Variants in PCYOX1 observed in about 807,000 individuals in gnomAD.
PCYOX1 encodes prenylcysteine oxidase 1, also known as prenylcysteine lyase.
PCYOX1 carries 46 observed loss-of-function variants against 46.4 expected under a neutral mutation model. The ratio of observed to expected loss-of-function variants is 0.99; its 90% CI spans 0.78 to 1.27. PCYOX1 has a LOEUF of 1.27. Ranked by LOEUF, PCYOX1 falls within the 50% of genes most tolerant of loss-of-function variation. The probability of loss-of-function intolerance (pLI) is 0.00; values close to 1 mark genes in which losing one functional copy is unlikely to be tolerated. For synonymous variants in PCYOX1, 220 were observed against 231.8 expected (o/e 0.95, Z 0.46); for missense variants, 658 against 628.3 (o/e 1.05, Z -0.51).
chr2:70,277,055 A>T lies in PCYOX1; in HGVS notation c.1181A>T (p.Asp394Val). Residue 394 changes from aspartate to valine, a missense_variant, in exon 6 of 6, where the codon GAT becomes GTT. Transcript: ENST00000433351. The stretch of plus-strand genomic sequence containing the variant: ...GTGCCCTCTGTGAGAGAAAAGGAAG[A>T]TCCTGAGCCATCAACAGATGGAACA... ...GIVPSVREKE[D>V]PEPSTDGTYV... 1 of 1,613,334 alleles carries T rather than the reference A, an allele frequency of 6.2e-7. No homozygotes were observed. The highest frequency in any genetic ancestry group is 8.5e-7 in the Non-Finnish European group (1 of 1,179,236).
In PCYOX1 at chr2:70,278,364, C is replaced by A. The variant is rs1696716359; in HGVS notation, c.*972C>A. On this transcript the variant is annotated 3_prime_UTR_variant, in exon 6 of 6. Coordinates refer to ENST00000433351, the MANE Select transcript of PCYOX1 (RefSeq NM_016297.4). The stretch of plus-strand genomic sequence containing the variant: ...ACCAATGTGGGTGTGAAAATGCCTA[C>A]AAAGGGTTTTAGTGCCTTAGAAGTC... The A allele has an allele frequency of 6.6e-6, 1 of 152,636 alleles. No individual in the cohort carries two copies. Among genetic ancestry groups the A allele is most frequent in the Admixed American group, 6.5e-5 (1 of 15,280 alleles). 9.5% of individuals were successfully genotyped at this position (152,636 alleles called of 1,614,324 possible).
At chr2:70,266,265 TGATG>T (rs1178990642) in intron 3 of PCYOX1, among the ~76,000 whole-genome samples, 6 of 151,922 alleles carry the variant, frequency 3.9e-5, no homozygotes, top group Admixed American at 3.9e-4. Context: ...GGAGATGTGA[TGATG>T]GAAGGAAGAG....
In PCYOX1 at chr2:70,279,773, ACT is replaced by A. The variant is rs779950796; in HGVS notation, c.*2384_*2385del. The stretch of plus-strand genomic sequence containing the variant: ...CACTCCAGCCTGGCAACAGAGCGAG[ACT>A]CTGTCTCAGAAAAAAAAAACAAAAA... On this transcript the variant is annotated 3_prime_UTR_variant, in exon 6 of 6. Transcript: ENST00000433351. The A allele has an allele frequency of 2.1e-5, 3 of 140,826 alleles. No individual in the cohort carries two copies. The highest frequency in any genetic ancestry group is 5.4e-5 in the African/African-American group (2 of 37,100). The allele number at this position is 140,826 out of a possible 1,614,324, so 8.7% of individuals were successfully genotyped here.
intron 3 of PCYOX1, among the ~76,000 whole-genome samples, chr2:70,267,693 G>A (rs1573980162): frequency 6.6e-6 from 1 of 152,150 alleles, no homozygotes; most frequent in Non-Finnish European, 1.5e-5. Flanking sequence ...GCAGGCTGAA[G>A]CAGGAGAATC....
At chr2:70,274,868 G>A in intron 3 of PCYOX1, 91 bp from the exon 4 acceptor site, 1 of 855,170 alleles carries the variant, frequency 1.2e-6, no homozygotes, top group South Asian at 1.4e-5. Context: ...CTAGATGTCA[G>A]TTTGATTCTT....
chr2:70,258,171 C>G lies in PCYOX1; in HGVS notation c.7C>G (p.Arg3Gly), dbSNP rs1393925654. The G allele has an allele frequency of 3.1e-6, 5 of 1,594,558 alleles. No individual in the cohort carries two copies. Among genetic ancestry groups the G allele is most frequent in the Admixed American group, 1.7e-5 (1 of 59,480 alleles). ...TGCAGAGCTTGTGGAGGCCATGGGGCGCGTCGTCGCGGAGCTCGTCTCCTC... is the reference window on the plus strand; with the variant it reads ...TGCAGAGCTTGTGGAGGCCATGGGGGGCGTCGTCGCGGAGCTCGTCTCCTC... The part of the protein sequence containing the change: MG[R>G]VVAELVSSLL... The change falls in exon 1 of 6, where the codon CGC becomes GGC. Residue 3 changes from arginine (R) to glycine (G), a missense_variant. Coordinates refer to ENST00000433351, the MANE Select transcript of PCYOX1 (RefSeq NM_016297.4).
chr2:70,257,973 A>G (rs1696366390), upstream of PCYOX1: 2 of 453,436 alleles, frequency 4.4e-6, no homozygotes, highest in East Asian at 4.0e-5. Context: ...TAGGGCACTG[A>G]GTGGCCCAGA....
intron 3 of PCYOX1, among the ~76,000 whole-genome samples, 163 bp downstream of exon 3, chr2:70,261,549 A>G (rs981017954): frequency 2.0e-5 from 3 of 152,190 alleles, no homozygotes; most frequent in Admixed American, 6.5e-5. Flanking sequence ...TATGCAGACT[A>G]TTTGCTTGGA....
At position 70,277,404 on chromosome 2, in the gene PCYOX1, C is replaced by T. The variant is rs199895020; in HGVS notation, c.*12C>T. On this transcript the variant is annotated 3_prime_UTR_variant, in exon 6 of 6. Transcript: ENST00000433351. Reference sequence around the variant, plus strand: ...AAACTGAACTATGAAGTGACACACTCCTTTTTCCCCTCCTAGTTCCAAATG... The same window carrying T: ...AAACTGAACTATGAAGTGACACACTTCTTTTTCCCCTCCTAGTTCCAAATG... 8.9e-6 allele frequency: 14 copies of T among 1,564,704 alleles called. No homozygotes were observed. Among genetic ancestry groups the T allele is most frequent in the East Asian group, 2.3e-5 (1 of 44,102 alleles).
At position 70,275,675 on chromosome 2, in the gene PCYOX1, G is replaced by T; in HGVS notation, c.859+9G>T. On this transcript the variant is annotated intron_variant, in intron 5 of 5. Coordinates refer to ENST00000433351, the MANE Select transcript of PCYOX1 (RefSeq NM_016297.4). ...AAAGACCAAGTACACAGGTAAGCTTGAATTTCTTATTGTTCCTGATATCCC... is the reference window on the plus strand; with the variant it reads ...AAAGACCAAGTACACAGGTAAGCTTTAATTTCTTATTGTTCCTGATATCCC... The T allele has an allele frequency of 6.2e-7, 1 of 1,605,270 alleles. No individual in the cohort carries two copies. The highest frequency in any genetic ancestry group is 1.3e-5 in the African/African-American group (1 of 74,564).
chr2:70,274,887 A>G, intron 3 of PCYOX1, 72 bp from the exon 4 acceptor site: 2 of 950,248 alleles, frequency 2.1e-6, no homozygotes, highest in Non-Finnish European at 3.5e-6. Flanking sequence ...TTATGACGCC[A>G]CTTCCCTTCT....
chr2:70,261,558 G>GTTGTAGAAACTATGCAGACT (rs1202512585), intron 3 of PCYOX1, among the ~76,000 whole-genome samples, 172 bp downstream of exon 3: 2 of 152,198 alleles, frequency 1.3e-5, no homozygotes, highest in Non-Finnish European at 2.9e-5. Context: ...TATTTGCTTG[G>GTTGTAGAAACTATGCAGACT]ATATTGAAAG....
chr2:70,271,015 C>T (rs544198840), intron 3 of PCYOX1, among the ~76,000 whole-genome samples: 1 of 152,310 alleles, frequency 6.6e-6, no homozygotes, highest in East Asian at 1.9e-4. Context: ...GCGTGAGCCA[C>T]TGTGCCTGGC....
At chr2:70,258,554 T>G in intron 1 of PCYOX1, 2 of 353,706 alleles carry the variant, frequency 5.7e-6, no homozygotes, top group Non-Finnish European at 5.1e-6. Context: ...AGCGTACCTG[T>G]AGCCCCTGTC....
chr2:70,272,408 T>A (rs1238851346), intron 3 of PCYOX1, among the ~76,000 whole-genome samples: 2 of 152,102 alleles, frequency 1.3e-5, no homozygotes, highest in Non-Finnish European at 2.9e-5. Flanking sequence ...ATTACAGGCA[T>A]GAACCACTGC....
upstream of PCYOX1, chr2:70,258,013 C>G: frequency 1.9e-6 from 1 of 524,458 alleles, no homozygotes; most frequent in Non-Finnish European, 3.2e-6. Flanking sequence ...TTGAGAGGAC[C>G]GGCGGGGCGA....
chr2:70,260,565 A>G (rs1559033332), intron 2 of PCYOX1, among the ~76,000 whole-genome samples: 1 of 152,112 alleles, frequency 6.6e-6, no homozygotes, highest in African/African-American at 2.4e-5. Flanking sequence ...CAACAAAACA[A>G]ACTCCGTCAC....
chr2:70,258,834 G>A (rs560325079), intron 1 of PCYOX1, among the ~76,000 whole-genome samples: 1 of 152,370 alleles, frequency 6.6e-6, no homozygotes, highest in Admixed American at 6.5e-5. Context: ...GACTAACACA[G>A]CTGCAGAAAG....
chr2:70,258,206 G>A lies in PCYOX1; in HGVS notation c.42G>A (p.Gly14=). 6.3e-7 allele frequency: 1 copy of A among 1,599,254 alleles called. No homozygotes were observed. The highest frequency in any genetic ancestry group is 8.5e-7 in the Non-Finnish European group (1 of 1,176,706). ...VVAELVSSLL[G]LWLLLCSCGC... is the part of the protein sequence containing the mutation. ...CGGAGCTCGTCTCCTCGCTGCTGGGGTTGTGGCTGTTGCTGTGCAGCTGCG... is the reference window on the plus strand; with the variant it reads ...CGGAGCTCGTCTCCTCGCTGCTGGGATTGTGGCTGTTGCTGTGCAGCTGCG... The change falls in exon 1 of 6, where the codon GGG becomes GGA. Residue 14 remains glycine (G), a synonymous_variant. Transcript: ENST00000433351.
Sources: allele counts gnomAD v4.1 joint callset (sites outside exome capture counted in the v4.1 genomes callset), GRCh38; gene constraint gnomAD v4.1.1; transcripts MANE v1.5; gene names NCBI Gene and HGNC (gene_info 2026-07-23, HGNC 2026-07-21).